Variants in LARS2 observed in about 807,000 individuals in gnomAD.
LARS2 encodes the protein leucine--tRNA ligase, mitochondrial.
A neutral mutation model predicts 116.6 loss-of-function variants in LARS2; 81 were observed. The ratio of observed to expected loss-of-function variants is 0.69; its 90% CI spans 0.58 to 0.84. The LOEUF (loss-of-function observed/expected upper bound fraction) is 0.84. Ranked by LOEUF, LARS2 falls within the 40% of genes least tolerant of loss-of-function variation. The pLI, the probability that LARS2 is intolerant of heterozygous loss-of-function variation, is 0.00. For missense variants in LARS2, 968 were observed against 1,114.5 expected, an observed-to-expected ratio of 0.87 and a Z score of 1.87; for synonymous variants, 396 against 407.2, an observed-to-expected ratio of 0.97 and a Z score of 0.33.
At chr3:45,457,640 T>C (rs903013157) in intron 7 of LARS2, among the ~76,000 whole-genome samples, 1 of 152,232 alleles carries the variant, frequency 6.6e-6, no homozygotes, top group Admixed American at 6.5e-5. Context: ...ATTGCAACCA[T>C]TGCAATCCAG....
intron 6 of LARS2, among the ~76,000 whole-genome samples, chr3:45,441,104 C>T (rs543596761): frequency 6.7e-6 from 1 of 148,714 alleles, no homozygotes; most frequent in South Asian, 2.1e-4. Context: ...CGGCTCACTG[C>T]AACCTCCACC....
intron 20 of LARS2, among the ~76,000 whole-genome samples, chr3:45,528,987 G>A (rs1409901980): frequency 6.6e-6 from 1 of 151,696 alleles, no homozygotes; most frequent in Non-Finnish European, 1.5e-5. Context: ...TCCTGCCTCA[G>A]CCTCCCAAGT....
intron 15 of LARS2, among the ~76,000 whole-genome samples, chr3:45,509,914 C>T (rs1434045161): frequency 2.6e-5 from 4 of 151,920 alleles, no homozygotes; most frequent in Admixed American, 2.0e-4. Context: ...AAGATGGTGG[C>T]ACTAGCTGGA....
At chr3:45,415,788 C>T (rs962834452) in intron 4 of LARS2, among the ~76,000 whole-genome samples, 8 of 147,898 alleles carry the variant, frequency 5.4e-5, no homozygotes, top group African/African-American at 1.5e-4. Flanking sequence ...GTGGAGGTTA[C>T]AGTGAGCCGA....
chr3:45,486,823 G>T lies in LARS2; in HGVS notation c.1123+1027G>T, dbSNP rs181336160. On this transcript the variant is annotated intron_variant, in intron 11 of 21. Coordinates refer to ENST00000645846, the MANE Select transcript of LARS2 (RefSeq NM_015340.4). ...ACATAAAGGCAGTTTTTATTGATGT[G>T]GCTTTTGGGGGAGTTTTTTGTTTGT... Among the ~76,000 whole-genome samples the T allele has an allele frequency of 5.7e-3, 867 of 152,192 alleles. 4 individuals are homozygous for T. The highest frequency in any genetic ancestry group is 8.5e-3 in the Non-Finnish European group (579 of 67,994).
chr3:45,400,585 G>A (rs1045591799), intron 4 of LARS2, among the ~76,000 whole-genome samples: 3 of 152,324 alleles, frequency 2.0e-5, no homozygotes, highest in Non-Finnish European at 2.9e-5. Context: ...CATGAGTTGG[G>A]TGTTGTGCTG....
chr3:45,456,970 G>A lies in LARS2; in HGVS notation c.607-1773G>A, dbSNP rs377418214. Among the ~76,000 whole-genome samples, 35 of 152,322 alleles carry A rather than the reference G, an allele frequency of 2.3e-4. No homozygotes were observed. The South Asian group carries it at 3.1e-3, about 14-fold the overall frequency. ...CCAGCAGGAAAGAGAGAGCACACCC[G>A]AAAGGAGTCATTGAAGACAATTTGA... On this transcript the variant is annotated intron_variant, in intron 7 of 21. Coordinates refer to ENST00000645846, the MANE Select transcript of LARS2 (RefSeq NM_015340.4).
intron 20 of LARS2, among the ~76,000 whole-genome samples, chr3:45,537,024 CTGTG>C (rs5848749): frequency 6.7e-5 from 10 of 150,238 alleles, no homozygotes; most frequent in South Asian, 4.2e-4. Flanking sequence ...TTCTTTTGCT[CTGTG>C]TGTGTGTGTG....
chr3:45,464,684 C>T (rs1699392599), intron 8 of LARS2, among the ~76,000 whole-genome samples: 1 of 152,182 alleles, frequency 6.6e-6, no homozygotes, highest in South Asian at 2.1e-4. Flanking sequence ...AGCACTTCCT[C>T]CTCCTGTGTG....
At position 45,549,253 on chromosome 3, in the gene LARS2, T is replaced by G. The variant is rs1700914319; in HGVS notation, c.*1723T>G. The G allele has an allele frequency of 1.3e-5, 2 of 152,168 alleles. No homozygotes were observed. The highest frequency in any genetic ancestry group is 4.1e-4 in the South Asian group (2 of 4,830). 9.4% of individuals were successfully genotyped at this position (152,168 alleles called of 1,614,324 possible). ...TATCTAGTTCTTCCTCTTCCTAATC[T>G]TCAGGTTAGCGGGGATAAGTTTGGT... is the stretch of plus-strand genomic sequence containing the variant. On this transcript the variant is annotated 3_prime_UTR_variant, in exon 22 of 22. Transcript: ENST00000645846.
chr3:45,512,771 T>G (rs1700308753), intron 15 of LARS2, among the ~76,000 whole-genome samples: 1 of 152,190 alleles, frequency 6.6e-6, no homozygotes, highest in South Asian at 2.1e-4. Flanking sequence ...AAGAACTGCC[T>G]CCTGAAAGGG....
intron 21 of LARS2, among the ~76,000 whole-genome samples, chr3:45,542,808 G>T (rs1270562853): frequency 6.6e-6 from 1 of 152,198 alleles, no homozygotes; most frequent in Non-Finnish European, 1.5e-5. Flanking sequence ...AGTGCTCTGG[G>T]GATACAAAAT....
At position 45,547,621 on chromosome 3, in the gene LARS2, G is replaced by A. The variant is rs536791255; in HGVS notation, c.*91G>A. ...GGCGATGTCTGCTGGCCCAGGGGAA[G>A]GGAAAAGACAAATGTCTTGACTGTT... On this transcript the variant is annotated 3_prime_UTR_variant, in exon 22 of 22. Transcript: ENST00000645846. 39 of 1,211,938 alleles carry A rather than the reference G, an allele frequency of 3.2e-5. No homozygotes were observed. In the East Asian group the frequency reaches 9.0e-4, roughly 28 times the overall value. The allele number at this position is 1,211,938 out of a possible 1,614,324, so 75.1% of individuals were successfully genotyped here.
At chr3:45,495,952 C>T (rs976107741) in intron 13 of LARS2, among the ~76,000 whole-genome samples, 3 of 152,008 alleles carry the variant, frequency 2.0e-5, no homozygotes, top group Non-Finnish European at 2.9e-5. Flanking sequence ...CTCCACCTCC[C>T]GGGTTCAAGC....
At chr3:45,452,538 C>T (rs1699151314) in intron 7 of LARS2, among the ~76,000 whole-genome samples, 1 of 152,116 alleles carries the variant, frequency 6.6e-6, no homozygotes, top group Non-Finnish European at 1.5e-5. Context: ...GGATGAATCC[C>T]TGTTGATCAT....
In LARS2 at chr3:45,474,401, C is replaced by T. The variant is rs759054682; in HGVS notation, c.858+51C>T. The T allele has an allele frequency of 4.1e-6, 5 of 1,217,992 alleles. No homozygotes were observed. The South Asian group carries it at 5.5e-5, about 13-fold the overall frequency. The allele number at this position is 1,217,992 out of a possible 1,614,324, so 75.4% of individuals were successfully genotyped here. ...AATTCATGATCACAAATCTCCTCTACATTTGGGACTCACTGAGTAAACCAG... is the reference window on the plus strand; with the variant it reads ...AATTCATGATCACAAATCTCCTCTATATTTGGGACTCACTGAGTAAACCAG... On this transcript the variant is annotated intron_variant, in intron 9 of 21. Coordinates refer to ENST00000645846, the MANE Select transcript of LARS2 (RefSeq NM_015340.4).
chr3:45,394,397 G>A, intron 2 of LARS2, 36 bp from the exon 3 acceptor site: 1 of 1,242,622 alleles, frequency 8.0e-7, no homozygotes, highest in African/African-American at 1.5e-5. Context: ...GAGGGTTTGA[G>A]GCAGCTCATA....
intron 4 of LARS2, among the ~76,000 whole-genome samples, chr3:45,412,432 G>T (rs1391229238): frequency 1.3e-5 from 2 of 152,186 alleles, no homozygotes; most frequent in Non-Finnish European, 2.9e-5. Flanking sequence ...GATGTGGAAG[G>T]AAACAAAGGC....
chr3:45,430,029 T>TTTTTTTTTG (rs1553629354), intron 6 of LARS2, among the ~76,000 whole-genome samples: 8 of 138,760 alleles, frequency 5.8e-5, no homozygotes, highest in African/African-American at 2.0e-4. Context: ...TTTTTTTTTT[T>TTTTTTTTTG]GAGACAGAGT....
Sources: allele counts gnomAD v4.1 joint callset (sites outside exome capture counted in the v4.1 genomes callset), GRCh38; gene constraint gnomAD v4.1.1; transcripts MANE v1.5; gene names NCBI Gene and HGNC (gene_info 2026-07-23, HGNC 2026-07-21).